CATSPERE: variants seen among roughly 807,000 people sequenced by gnomAD.
CATSPERE encodes cation channel sperm-associated auxiliary subunit epsilon.
CATSPERE carries 93 observed loss-of-function variants against 114.1 expected under a neutral mutation model. The ratio of observed to expected loss-of-function variants is 0.81; its 90% CI spans 0.69 to 0.97. The LOEUF (loss-of-function observed/expected upper bound fraction) is 0.97, where lower values mean the gene tolerates loss of function less well. Ranked by LOEUF, CATSPERE falls within the 50% of genes least tolerant of loss-of-function variation. The pLI is 0.00. For synonymous variants in CATSPERE, 341 were observed against 384.1 expected, an observed-to-expected ratio of 0.89 and a Z score of 1.31; for missense variants, 1,058 against 1,131.6, an observed-to-expected ratio of 0.93 and a Z score of 0.93.
At chr1:244,496,126 G>A (rs946255712) in intron 6 of CATSPERE, among the ~76,000 whole-genome samples, 1 of 152,118 alleles carries the variant, frequency 6.6e-6, no homozygotes, top group Non-Finnish European at 1.5e-5. Flanking sequence ...AAACATTTCT[G>A]TATCCATGGG....
At chr1:244,479,055 A>C (rs918781638) in intron 4 of CATSPERE, among the ~76,000 whole-genome samples, 5 of 130,424 alleles carry the variant, frequency 3.8e-5, no homozygotes, top group Non-Finnish European at 8.2e-5. Context: ...AAAAAAAAAG[A>C]TTTATGAGGA....
In CATSPERE at chr1:244,499,049, GT is replaced by G; in HGVS notation, c.401del (p.Leu134CysfsTer10). On this transcript the variant is annotated frameshift_variant, in exon 7 of 22. Transcript: ENST00000366534. LOFTEE classifies it high-confidence loss of function. ...YDPESADPDE[L>X]LGNAEEPSIN... The stretch of plus-strand genomic sequence containing the variant: ...ATCCAGAAAGTGCAGATCCTGATGA[GT>G]TGCTGGGGAATGCAGAAGAACCTTC... 6.2e-7 allele frequency: 1 copy of G among 1,612,854 alleles called. No individual in the cohort carries two copies. Among genetic ancestry groups the G allele is most frequent in the Non-Finnish European group, 8.5e-7 (1 of 1,178,972 alleles).
At chr1:244,477,463 A>C in intron 2 of CATSPERE, 78 bp from the exon 3 acceptor site, 1 of 764,884 alleles carries the variant, frequency 1.3e-6, no homozygotes, top group Non-Finnish European at 2.2e-6. Flanking sequence ...GGACCCAGAA[A>C]ATTGAATCCT....
intron 8 of CATSPERE, among the ~76,000 whole-genome samples, chr1:244,527,460 G>T (rs1678832120): frequency 6.6e-6 from 1 of 152,164 alleles, no homozygotes; most frequent in Non-Finnish European, 1.5e-5. Flanking sequence ...CCTGAACATT[G>T]CTGTTATCCT....
At chr1:244,520,873 C>A (rs962824955) in intron 8 of CATSPERE, among the ~76,000 whole-genome samples, 2 of 152,024 alleles carry the variant, frequency 1.3e-5, no homozygotes, top group Non-Finnish European at 2.9e-5. Context: ...TGAAAAGAAA[C>A]AATTATTATT....
intron 8 of CATSPERE, among the ~76,000 whole-genome samples, chr1:244,537,142 T>A (rs566947728): frequency 6.7e-6 from 1 of 150,224 alleles, no homozygotes; most frequent in Non-Finnish European, 1.5e-5. Context: ...GAGCATCTAG[T>A]TTCTCACTGT....
At position 244,572,661 on chromosome 1, in the gene CATSPERE, T is replaced by C. The variant is rs1469164321; in HGVS notation, c.1839T>C (p.Tyr613=). Residue 613 remains tyrosine, a synonymous_variant, in exon 11 of 22, where the codon TAT becomes TAC. Transcript: ENST00000366534. Reference sequence around the variant, plus strand: ...TGACAGTTTGGACTCAGATCGTCTATCCAGAAAACACTGGTCTGTATGTTA... The same window carrying C: ...TGACAGTTTGGACTCAGATCGTCTACCCAGAAAACACTGGTCTGTATGTTA... ...EALTVWTQIV[Y]PENTGLYVIV... 1 of 1,613,900 alleles carries C rather than the reference T, an allele frequency of 6.2e-7. No individual in the cohort carries two copies. Among genetic ancestry groups the C allele is most frequent in the South Asian group, 1.1e-5 (1 of 91,080 alleles).
chr1:244,575,379 C>A lies in CATSPERE; in HGVS notation c.1950+2607C>A, dbSNP rs1558525209. 6.6e-6 allele frequency among the ~76,000 whole-genome samples: 1 copy of A among 152,214 alleles called. No homozygotes were observed. Among genetic ancestry groups the A allele is most frequent in the East Asian group, 1.9e-4 (1 of 5,186 alleles). On this transcript the variant is annotated intron_variant, in intron 11 of 21. Transcript: ENST00000366534. The surrounding 1 kb of genome is among the most constrained non-coding windows in gnomAD (Gnocchi z 4.5). ...GAGCCAGGCTAGGGAGAGGGACCTACCTCTTGGCTGCCGGGCTGCGCGGCA... is the reference window on the plus strand; with the variant it reads ...GAGCCAGGCTAGGGAGAGGGACCTAACTCTTGGCTGCCGGGCTGCGCGGCA...
chr1:244,503,350 C>T (rs1558386374), intron 7 of CATSPERE, among the ~76,000 whole-genome samples: 1 of 152,074 alleles, frequency 6.6e-6, no homozygotes, highest in African/African-American at 2.4e-5. Flanking sequence ...AAATTATTAG[C>T]CACGTCTTTT....
At position 244,536,010 on chromosome 1, in the gene CATSPERE, G is replaced by A. The variant is rs1323741639; in HGVS notation, c.537-16312G>A. ...GCCAGGACTGGGTCCTTCTCTTCAA[G>A]GCAGCAGGTTTCTTTCTGGCCCAGG... On this transcript the variant is annotated intron_variant, in intron 8 of 21. Transcript: ENST00000366534. Among the ~76,000 whole-genome samples, 7 of 152,112 alleles carry A rather than the reference G, an allele frequency of 4.6e-5. No individual in the cohort carries two copies. The East Asian group carries it at 7.8e-4, about 17-fold the overall frequency.
At chr1:244,488,677 C>T (rs1021479594) in intron 5 of CATSPERE, among the ~76,000 whole-genome samples, 15 of 152,178 alleles carry the variant, frequency 9.9e-5, no homozygotes, top group African/African-American at 2.4e-4. Flanking sequence ...CTTCCAGATA[C>T]GCTGGTAACT....
At chr1:244,457,987 G>T (rs986886529), upstream of CATSPERE, among the ~76,000 whole-genome samples, 28 of 152,268 alleles carry the variant, frequency 1.8e-4, no homozygotes, top group Admixed American at 5.9e-4. Flanking sequence ...AAATGACTGT[G>T]TGCCACAGAG....
At chr1:244,532,623 G>C (rs1045290181) in intron 8 of CATSPERE, among the ~76,000 whole-genome samples, 1 of 152,018 alleles carries the variant, frequency 6.6e-6, no homozygotes, top group African/African-American at 2.4e-5. Flanking sequence ...TGACCCACTG[G>C]TCATTCAGGA....
intron 2 of CATSPERE, among the ~76,000 whole-genome samples, chr1:244,468,125 G>A (rs567786571): frequency 1.3e-4 from 19 of 146,116 alleles, no homozygotes; most frequent in African/African-American, 3.1e-4. Context: ...ACAAAATCTC[G>A]CTCTGTCACC....
In CATSPERE at chr1:244,552,650, C is replaced by CA; in HGVS notation, c.866dup (p.His289GlnfsTer36). Reference sequence around the variant, plus strand: ...TGATGATGAAAGACGGAGTGTGGCTCATGTGATCTTATCGCGGGATGGAAT... The same window carrying CA: ...TGATGATGAAAGACGGAGTGTGGCTCAATGTGATCTTATCGCGGGATGGAAT... On this transcript the variant is annotated frameshift_variant, in exon 9 of 22. Coordinates refer to ENST00000366534, the MANE Select transcript of CATSPERE (RefSeq NM_001130957.2). LOFTEE classifies it high-confidence loss of function. The CA allele has an allele frequency of 6.2e-7, 1 of 1,614,124 alleles. No individual in the cohort carries two copies. The highest frequency in any genetic ancestry group is 8.5e-7 in the Non-Finnish European group (1 of 1,180,024).
chr1:244,488,364 G>T (rs1430535363), intron 5 of CATSPERE, among the ~76,000 whole-genome samples: 1 of 152,016 alleles, frequency 6.6e-6, no homozygotes, highest in Non-Finnish European at 1.5e-5. Flanking sequence ...TTCCATAATG[G>T]TTTTTTCCCA....
At chr1:244,537,110 C>T (rs923395015) in intron 8 of CATSPERE, among the ~76,000 whole-genome samples, 3 of 152,090 alleles carry the variant, frequency 2.0e-5, no homozygotes, top group African/African-American at 4.8e-5. Context: ...ACATCCTTGT[C>T]GTGTAGGCAA....
rs769336184 is a variant in CATSPERE, at chr1:244,499,058, G to T, written c.408G>T (p.Gly136=). The change falls in exon 7 of 22, where the codon GGG becomes GGT. Residue 136 remains glycine, a synonymous_variant. Coordinates refer to ENST00000366534, the MANE Select transcript of CATSPERE (RefSeq NM_001130957.2). ...GTGCAGATCCTGATGAGTTGCTGGG[G>T]AATGCAGAAGAACCTTCAATAGTAG... The part of the protein sequence containing the change: ...PESADPDELL[G]NAEEPSINSI... 27 of 1,610,904 alleles carry T rather than the reference G, an allele frequency of 1.7e-5. No homozygotes were observed. The highest frequency in any genetic ancestry group is 2.3e-5 in the Non-Finnish European group (27 of 1,177,340).
At chr1:244,564,938 T>C (rs956836975) in intron 10 of CATSPERE, among the ~76,000 whole-genome samples, 1 of 152,156 alleles carries the variant, frequency 6.6e-6, no homozygotes, top group African/African-American at 2.4e-5. Flanking sequence ...ACCTAGTTTA[T>C]TGAGAGTTTT....
Sources: allele counts gnomAD v4.1 joint callset (sites outside exome capture counted in the v4.1 genomes callset), GRCh38; gene constraint gnomAD v4.1.1; non-coding constraint Gnocchi (gnomAD v3.1); transcripts MANE v1.5; gene names NCBI Gene and HGNC (gene_info 2026-07-23, HGNC 2026-07-21).